Variants in MYLK4 observed in about 807,000 individuals in gnomAD.
The protein encoded by MYLK4 is myosin light chain kinase family member 4, also known as caMLCK like.
MYLK4 carries 46 observed loss-of-function variants against 48.1 expected under a neutral mutation model. The ratio of observed to expected loss-of-function variants is 0.96; its 90% confidence interval spans 0.75 to 1.22. The LOEUF is 1.22. Among genes scored for constraint, MYLK4 ranks in the 50% most tolerant of loss-of-function variants. The pLI, the probability that MYLK4 is intolerant of heterozygous loss-of-function variation, is 0.00. For missense variants in MYLK4, 451 were observed against 486.1 expected (o/e 0.93, Z 0.68); for synonymous variants, 170 against 180.8 (o/e 0.94, Z 0.48).
At chr6:2,760,442 T>C in the MYLK4 span, among the ~76,000 whole-genome samples, 63 of 152,206 alleles carry the variant, frequency 4.1e-4, no homozygotes, top group Non-Finnish European at 8.7e-4. Flanking sequence ...TGAGGTTTCA[T>C]TGTGTAGGCA....
chr6:2,688,441 T>G (rs1416503532), intron 4 of MYLK4, among the ~76,000 whole-genome samples: 1 of 152,198 alleles, frequency 6.6e-6, no homozygotes, highest in Non-Finnish European at 1.5e-5. Flanking sequence ...TCAATTGAAA[T>G]GAATAATAGT....
the MYLK4 span, among the ~76,000 whole-genome samples, chr6:2,758,416 T>C: frequency 6.6e-6 from 1 of 151,614 alleles, no homozygotes; most frequent in South Asian, 2.1e-4. Flanking sequence ...GTTATAAGTA[T>C]ACATGACATA....
At chr6:2,738,472 A>AACAGAGAGCTGAGAGTGGCCTG (rs1217408795) in intron 2 of MYLK4, among the ~76,000 whole-genome samples, 2 of 152,252 alleles carry the variant, frequency 1.3e-5, no homozygotes, top group Non-Finnish European at 2.9e-5. Flanking sequence ...TGTGTCTACG[A>AACAGAGAGCTGAGAGTGGCCTG]ACAGAGAGCT....
At chr6:2,767,784 G>A in the MYLK4 span, among the ~76,000 whole-genome samples, 1 of 152,206 alleles carries the variant, frequency 6.6e-6, no homozygotes. Flanking sequence ...TGCCAGGCAA[G>A]AGGTTTGGGT....
At chr6:2,750,303 T>C (rs1764250530) in intron 1 of MYLK4, among the ~76,000 whole-genome samples, 1 of 152,188 alleles carries the variant, frequency 6.6e-6, no homozygotes, top group South Asian at 2.1e-4. Flanking sequence ...TACTCTTGAG[T>C]TCCAAAGTGT....
intron 3 of MYLK4, among the ~76,000 whole-genome samples, 153 bp downstream of exon 3, chr6:2,692,631 A>C (rs1761847017): frequency 1.3e-5 from 1 of 77,818 alleles, no homozygotes; most frequent in Non-Finnish European, 2.8e-5. Flanking sequence ...AACACAAGCA[A>C]AAAAAAAAAA....
chr6:2,681,941 A>G (rs576143650), intron 7 of MYLK4, among the ~76,000 whole-genome samples: 2 of 152,372 alleles, frequency 1.3e-5, no homozygotes, highest in Non-Finnish European at 2.9e-5. Flanking sequence ...GAAAGCATGC[A>G]TTATCAAACT....
chr6:2,680,807 C>T lies in MYLK4; in HGVS notation c.688-516G>A, dbSNP rs1407441921. 1.2e-4 allele frequency among the ~76,000 whole-genome samples: 18 copies of T among 152,190 alleles called. 1 individual carries two copies. The highest frequency in any genetic ancestry group is 2.4e-4 in the Non-Finnish European group (16 of 68,032). On this transcript the variant is annotated intron_variant, in intron 7 of 12. Transcript: ENST00000274643. Reference sequence around the variant, plus strand: ...GCTCAACGCCTATGGGAAAGTCGCACGGCAGAGGAGGGCTTTTCTCTCCAG... The same window carrying T: ...GCTCAACGCCTATGGGAAAGTCGCATGGCAGAGGAGGGCTTTTCTCTCCAG...
At chr6:2,734,246 C>T (rs537606437) in intron 2 of MYLK4, among the ~76,000 whole-genome samples, 23 of 152,328 alleles carry the variant, frequency 1.5e-4, no homozygotes, top group African/African-American at 4.3e-4. Flanking sequence ...ATGCGGCTTT[C>T]GCTAAACCAT....
In MYLK4 at chr6:2,718,920, C is replaced by T. The variant is rs560277408; in HGVS notation, c.160-26061G>A. 1.2e-4 allele frequency among the ~76,000 whole-genome samples: 18 copies of T among 152,286 alleles called. No individual in the cohort carries two copies. In the South Asian group the frequency reaches 3.7e-3, roughly 32 times the overall value. The stretch of plus-strand genomic sequence containing the variant: ...TGTTTTTCTTTTACATTAAGAACGC[C>T]TTTAGATATGGCTAGAAGTCACGAG... On this transcript the variant is annotated intron_variant, in intron 2 of 12. Coordinates refer to ENST00000274643, the MANE Select transcript of MYLK4 (RefSeq NM_001012418.5).
the MYLK4 span, chr6:2,770,139 T>G: frequency 6.2e-7 from 1 of 1,614,212 alleles, no homozygotes; most frequent in Non-Finnish European, 8.5e-7. Context: ...CTTCCTCACG[T>G]GGAATGTGGG....
At chr6:2,700,834 AGAG>A (rs1762256227) in intron 2 of MYLK4, among the ~76,000 whole-genome samples, 1 of 152,336 alleles carries the variant, frequency 6.6e-6, no homozygotes, top group East Asian at 1.9e-4. Context: ...TAAGCAGAAG[AGAG>A]GAGGACTCAG....
chr6:2,701,617 G>C (rs1187381268), intron 2 of MYLK4, among the ~76,000 whole-genome samples: 3 of 152,218 alleles, frequency 2.0e-5, no homozygotes, highest in African/African-American at 7.2e-5. Flanking sequence ...CTGAATGAAT[G>C]AATTTGTCTG....
rs1383568667 is a variant in MYLK4 at position 2,667,403 on chromosome 6, C to G, written c.*522G>C. On this transcript the variant is annotated 3_prime_UTR_variant, in exon 13 of 13. Transcript: ENST00000274643. ...GTGACCACAGACCAAATCAAAATGA[C>G]AGAGTCTGTGAAACTAAGTCTCCAA... 5.3e-5 allele frequency: 8 copies of G among 152,156 alleles called. No homozygotes were observed. Among genetic ancestry groups the G allele is most frequent in the African/African-American group, 1.9e-4 (8 of 41,446 alleles). The allele number at this position is 152,156 out of a possible 1,614,324, so 9.4% of individuals were successfully genotyped here. A position where few individuals can be genotyped will look rare whatever the true frequency, so the allele number is the denominator to read the frequency against.
upstream of MYLK4, among the ~76,000 whole-genome samples, chr6:2,755,700 G>A (rs7750121): frequency 0.11 from 16,575 of 152,030 alleles, 957 homozygotes; most frequent in South Asian, 0.17. Context: ...CACCACACCA[G>A]GCTAAGTTTT....
intron 2 of MYLK4, among the ~76,000 whole-genome samples, chr6:2,730,206 G>A (rs1763428268): frequency 6.6e-6 from 1 of 152,206 alleles, no homozygotes; most frequent in Admixed American, 6.5e-5. Flanking sequence ...AACCCAAGGA[G>A]GGGAAGCGCT....
At chr6:2,754,501 C>G (rs1162969364), upstream of MYLK4, among the ~76,000 whole-genome samples, 1 of 151,904 alleles carries the variant, frequency 6.6e-6, no homozygotes, top group African/African-American at 2.4e-5. Context: ...AGAAAGCAGA[C>G]TGGTGGTTGC....
intron 2 of MYLK4, among the ~76,000 whole-genome samples, chr6:2,745,093 A>T (rs1764032599): frequency 6.6e-6 from 1 of 152,182 alleles, no homozygotes; most frequent in Non-Finnish European, 1.5e-5. Flanking sequence ...CCCGGGCCTC[A>T]GGAGCAGGGA....
chr6:2,729,593 C>T (rs1763405674), intron 2 of MYLK4, among the ~76,000 whole-genome samples: 1 of 152,174 alleles, frequency 6.6e-6, no homozygotes, highest in Non-Finnish European at 1.5e-5. Context: ...GGGCCAGGCT[C>T]CCTCAAGGAG....
Sources: allele counts gnomAD v4.1 joint callset (sites outside exome capture counted in the v4.1 genomes callset), GRCh38; gene constraint gnomAD v4.1.1; transcripts MANE v1.5; gene names NCBI Gene and HGNC (gene_info 2026-07-23, HGNC 2026-07-21).